MITF: variants seen among roughly 807,000 people sequenced by gnomAD.
MITF encodes microphthalmia-associated transcription factor.
A neutral mutation model predicts 60.5 loss-of-function variants in MITF; 17 were observed. That is an observed-to-expected ratio of 0.28 (90% CI 0.19 to 0.42). The LOEUF (loss-of-function observed/expected upper bound fraction) is 0.42. MITF is among the 10% of genes least tolerant of loss of function. The pLI, the probability that MITF is intolerant of heterozygous loss-of-function variation, is 1.00. For synonymous variants in MITF, 260 were observed against 248.5 expected (o/e 1.05, Z -0.43); for missense variants, 622 against 683.5 (o/e 0.91, Z 1.00).
intron 1 of MITF, among the ~76,000 whole-genome samples, chr3:69,777,304 G>A (rs2062490480): frequency 1.3e-5 from 2 of 152,158 alleles, no homozygotes; most frequent in Admixed American, 1.3e-4. Flanking sequence ...TATCTTGTTT[G>A]TGGCATCACT....
intron 1 of MITF, among the ~76,000 whole-genome samples, chr3:69,799,936 T>C (rs1398288552): frequency 6.6e-6 from 1 of 152,208 alleles, no homozygotes; most frequent in African/African-American, 2.4e-5. Flanking sequence ...ATGTTTTTCT[T>C]TTAGCATAAT....
At chr3:69,804,316 C>T (rs2062970465) in intron 1 of MITF, among the ~76,000 whole-genome samples, 1 of 151,784 alleles carries the variant, frequency 6.6e-6, no homozygotes, top group African/African-American at 2.4e-5. Flanking sequence ...CTTCCTCTCC[C>T]CTACCCCCTT....
intron 2 of MITF, among the ~76,000 whole-genome samples, chr3:69,914,944 A>G (rs1315243874): frequency 6.6e-6 from 1 of 152,196 alleles, no homozygotes; most frequent in African/African-American, 2.4e-5. Flanking sequence ...ATTTGAATAG[A>G]TATTTATTAA....
At chr3:69,746,760 G>A (rs1575657981) in intron 1 of MITF, among the ~76,000 whole-genome samples, 1 of 152,140 alleles carries the variant, frequency 6.6e-6, no homozygotes, top group Non-Finnish European at 1.5e-5. Context: ...CCGAGGATAG[G>A]AATTATACCA....
Position 69,879,247 on chromosome 3 carries a change from G to A in MITF, c.218G>A (p.Arg73His), listed in dbSNP as rs765235347. The change falls in exon 2 of 10, where the codon CGC becomes CAC. Residue 73 changes from arginine (R) to histidine (H), a missense_variant. Transcript: ENST00000352241. Reference protein sequence around the residue: ...LMREQMQEQERREQQQKLQAA... With the variant: ...LMREQMQEQEHREQQQKLQAA... ...CGTGAGCAGATGCAGGAGCAGGAGC[G>A]CAGGGAGCAGCAGCAGAAGCTGCAG... The A allele has an allele frequency of 3.2e-5, 51 of 1,614,094 alleles. No individual in the cohort carries two copies. The highest frequency in any genetic ancestry group is 3.6e-5 in the Non-Finnish European group (42 of 1,180,054).
intron 2 of MITF, among the ~76,000 whole-genome samples, chr3:69,889,758 A>G (rs2064716346): frequency 6.6e-6 from 1 of 152,226 alleles, no homozygotes; most frequent in South Asian, 2.1e-4. Flanking sequence ...AGATTCATAT[A>G]CCTAACTTGT....
At chr3:69,866,830 C>CT (rs35550619) in intron 1 of MITF, among the ~76,000 whole-genome samples, 2,076 of 139,416 alleles carry the variant, frequency 0.015, 33 homozygotes, top group Admixed American at 0.036. Context: ...CTCCCCCCAC[C>CT]TTTTTTTTTT....
chr3:69,891,060 A>G (rs984582487), intron 2 of MITF, among the ~76,000 whole-genome samples: 3 of 152,162 alleles, frequency 2.0e-5, no homozygotes, highest in African/African-American at 7.2e-5. Flanking sequence ...ATTAATCTCA[A>G]TATTTTCTTA....
Position 69,879,276 on chromosome 3 carries a change from G to C in MITF, c.247G>C (p.Ala83Pro). The change falls in exon 2 of 10, where the codon GCC becomes CCC. Residue 83 changes from alanine (A) to proline (P), a missense_variant. Coordinates refer to ENST00000352241, the MANE Select transcript of MITF (RefSeq NM_001354604.2). ...GGAGCAGCAGCAGAAGCTGCAGGCG[G>C]CCCAGTTCATGCAACAGAGAGTGCC... ...RREQQQKLQA[A>P]QFMQQRVPVS... 1 of 1,614,204 alleles carries C rather than the reference G, an allele frequency of 6.2e-7. No homozygotes were observed. Among genetic ancestry groups the C allele is most frequent in the Non-Finnish European group, 8.5e-7 (1 of 1,180,046 alleles).
chr3:69,825,388 G>A (rs1258104940), intron 1 of MITF, among the ~76,000 whole-genome samples: 1 of 152,186 alleles, frequency 6.6e-6, no homozygotes, highest in Non-Finnish European at 1.5e-5. Context: ...TAGTGGTTCT[G>A]ATGATACTAG....
At chr3:69,943,386 T>C (rs1559738089) in intron 5 of MITF, among the ~76,000 whole-genome samples, 1 of 152,138 alleles carries the variant, frequency 6.6e-6, no homozygotes, top group Non-Finnish European at 1.5e-5. Context: ...CTCTGTGACC[T>C]TGCATGTTAT....
At chr3:69,908,439 C>G (rs1559712566) in intron 2 of MITF, among the ~76,000 whole-genome samples, 1 of 152,034 alleles carries the variant, frequency 6.6e-6, no homozygotes, top group Non-Finnish European at 1.5e-5. Context: ...GTACACCAGC[C>G]CCATTTTTTA....
intron 1 of MITF, among the ~76,000 whole-genome samples, chr3:69,827,803 A>T (rs145983802): frequency 3.9e-5 from 6 of 152,240 alleles, no homozygotes; most frequent in African/African-American, 1.4e-4. Context: ...TATACAGAAG[A>T]CCAAGGCTCC....
chr3:69,914,352 C>A (rs985495683), intron 2 of MITF, among the ~76,000 whole-genome samples: 1 of 152,126 alleles, frequency 6.6e-6, no homozygotes, highest in African/African-American at 2.4e-5. Flanking sequence ...GAACTCTTGA[C>A]CTCAGGTGAT....
intron 1 of MITF, among the ~76,000 whole-genome samples, chr3:69,804,439 C>T (rs918583681): frequency 7.9e-5 from 12 of 152,058 alleles, no homozygotes; most frequent in Non-Finnish European, 1.5e-4. Context: ...TTTATTCTGG[C>T]GTTTCCCTCT....
intron 2 of MITF, among the ~76,000 whole-genome samples, chr3:69,927,549 T>A (rs1418558546): frequency 6.6e-6 from 1 of 152,084 alleles, no homozygotes. Flanking sequence ...AAAATAAATT[T>A]GATATATGAA....
chr3:69,828,259 G>A (rs12106897), intron 1 of MITF, among the ~76,000 whole-genome samples: 3,362 of 152,184 alleles, frequency 0.022, 119 homozygotes, highest in African/African-American at 0.076. Flanking sequence ...AGTTTCAAAC[G>A]TTGTATTTTA....
chr3:69,911,849 G>T (rs899938337), intron 2 of MITF, among the ~76,000 whole-genome samples: 15 of 152,164 alleles, frequency 9.9e-5, no homozygotes, highest in Non-Finnish European at 1.9e-4. Flanking sequence ...ATACCTTGAA[G>T]AACAGTTTGG....
intron 1 of MITF, among the ~76,000 whole-genome samples, chr3:69,870,538 G>T (rs1288838097): frequency 6.6e-6 from 1 of 151,258 alleles, no homozygotes; most frequent in East Asian, 1.9e-4. Flanking sequence ...GGGTTCAAGT[G>T]ATTCTCCTGC....
Sources: allele counts gnomAD v4.1 joint callset (sites outside exome capture counted in the v4.1 genomes callset), GRCh38; gene constraint gnomAD v4.1.1; transcripts MANE v1.5; gene names NCBI Gene and HGNC (gene_info 2026-07-23, HGNC 2026-07-21).